Variants in NWD2 observed in about 807,000 individuals in gnomAD.
The protein encoded by NWD2 is NACHT and WD repeat domain containing 2, also known as NACHT and WD repeat domain-containing protein 2.
A neutral mutation model predicts 132.7 loss-of-function variants in NWD2; 37 were observed. That is an observed-to-expected ratio of 0.28 (90% CI 0.21 to 0.37). NWD2 has a LOEUF of 0.37. Ranked by LOEUF, NWD2 falls within the 10% of genes least tolerant of loss-of-function variation. NWD2 has a pLI of 1.00. For synonymous variants in NWD2, 705 were observed against 803.0 expected, an observed-to-expected ratio of 0.88 and a Z score of 2.06; for missense variants, 1,592 against 2,122.4, an observed-to-expected ratio of 0.75 and a Z score of 4.91.
intron 1 of NWD2, among the ~76,000 whole-genome samples, chr4:37,283,602 G>A (rs1035410982): frequency 2.0e-5 from 3 of 151,960 alleles, no homozygotes; most frequent in Admixed American, 1.3e-4. Context: ...CTCTTAACAG[G>A]GTAAGACCCC....
intron 3 of NWD2, among the ~76,000 whole-genome samples, chr4:37,411,410 T>G (rs1721154302): frequency 6.6e-6 from 1 of 152,150 alleles, no homozygotes; most frequent in South Asian, 2.1e-4. Flanking sequence ...CCTGGACACA[T>G]ATACCCTCCC....
At chr4:37,363,919 C>T (rs1720033208) in intron 3 of NWD2, among the ~76,000 whole-genome samples, 1 of 150,264 alleles carries the variant, frequency 6.7e-6, no homozygotes, top group Admixed American at 6.6e-5. Context: ...GTCAGGAGTT[C>T]AAGACCAGCC....
intron 3 of NWD2, among the ~76,000 whole-genome samples, chr4:37,371,191 C>A (rs1171902629): frequency 6.7e-6 from 1 of 148,838 alleles, no homozygotes; most frequent in Non-Finnish European, 1.5e-5. Flanking sequence ...AATTCCCCTG[C>A]CTCCACCTCC....
At chr4:37,326,440 C>G (rs1277618150) in intron 2 of NWD2, among the ~76,000 whole-genome samples, 2 of 152,038 alleles carry the variant, frequency 1.3e-5, no homozygotes, top group African/African-American at 4.8e-5. Context: ...TTCTGTCTTG[C>G]CTTTAACTTT....
At position 37,277,676 on chromosome 4, in the gene NWD2, A is replaced by G. The variant is rs752351503; in HGVS notation, c.151+32458A>G. Among the ~76,000 whole-genome samples the G allele has an allele frequency of 6.7e-4, 102 of 152,036 alleles. 2 individuals carry two copies. The highest frequency in any genetic ancestry group is 3.1e-4 in the Non-Finnish European group (21 of 67,994). On this transcript the variant is annotated intron_variant, in intron 1 of 6. Coordinates refer to ENST00000309447, the MANE Select transcript of NWD2 (RefSeq NM_001144990.2). ...TGGTTTCCTTTTTTTTACATTAATA[A>G]CAACTTCTTTCAAGTCTTTAATATC...
intron 2 of NWD2, among the ~76,000 whole-genome samples, chr4:37,346,571 T>C (rs11096868): frequency 0.26 from 39,450 of 152,102 alleles, 5,776 homozygotes; most frequent in Admixed American, 0.41. Flanking sequence ...GGATTTATAG[T>C]GATTGGATTG....
At chr4:37,362,558 A>G (rs1720001714) in intron 3 of NWD2, among the ~76,000 whole-genome samples, 3 of 152,192 alleles carry the variant, frequency 2.0e-5, no homozygotes, top group Admixed American at 2.0e-4. Context: ...TGACACAAAT[A>G]AGCAATGGGG....
At chr4:37,302,530 C>A (rs1041819252) in intron 1 of NWD2, among the ~76,000 whole-genome samples, 4 of 151,976 alleles carry the variant, frequency 2.6e-5, no homozygotes, top group African/African-American at 9.7e-5. Context: ...TTTTGAGAAA[C>A]CTCCACACCG....
chr4:37,347,144 T>C (rs1719653670), intron 2 of NWD2, among the ~76,000 whole-genome samples: 1 of 152,142 alleles, frequency 6.6e-6, no homozygotes, highest in Non-Finnish European at 1.5e-5. Context: ...GTATGATTGA[T>C]TTATAATTTT....
intron 1 of NWD2, among the ~76,000 whole-genome samples, chr4:37,312,193 G>C (rs1035987114): frequency 8.6e-5 from 13 of 151,516 alleles, no homozygotes; most frequent in Non-Finnish European, 1.6e-4. Context: ...GATGGGGATG[G>C]CATTGAATTT....
At chr4:37,294,579 C>T (rs773511515) in intron 1 of NWD2, among the ~76,000 whole-genome samples, 11 of 152,094 alleles carry the variant, frequency 7.2e-5, no homozygotes, top group African/African-American at 1.2e-4. Flanking sequence ...ATGTAGCTTC[C>T]GCCTTCTCTA....
At chr4:37,357,841 A>T (rs1284621197) in intron 3 of NWD2, among the ~76,000 whole-genome samples, 2 of 152,218 alleles carry the variant, frequency 1.3e-5, no homozygotes, top group East Asian at 3.9e-4. Context: ...CAGTCAGAGG[A>T]GGCCTCACTG....
At chr4:37,342,790 G>A (rs1719553709) in intron 2 of NWD2, among the ~76,000 whole-genome samples, 1 of 152,172 alleles carries the variant, frequency 6.6e-6, no homozygotes, top group African/African-American at 2.4e-5. Flanking sequence ...ATCAGGTCTA[G>A]GCAGTTAGTT....
intron 3 of NWD2, 93 bp from the exon 4 acceptor site, chr4:37,430,479 T>C (rs907860350): frequency 2.7e-5 from 23 of 864,412 alleles, no homozygotes; most frequent in Admixed American, 2.3e-4. Context: ...TTGTTATCTA[T>C]TGATTAATAT....
intron 1 of NWD2, among the ~76,000 whole-genome samples, chr4:37,269,633 A>G (rs1717828650): frequency 6.6e-6 from 1 of 151,876 alleles, no homozygotes; most frequent in Admixed American, 6.6e-5. Flanking sequence ...CACTCAGCAT[A>G]AGGTTTTGAA....
chr4:37,355,506 G>A (rs937881597), intron 2 of NWD2, among the ~76,000 whole-genome samples: 16 of 152,224 alleles, frequency 1.1e-4, no homozygotes, highest in African/African-American at 2.6e-4. Context: ...ACCAAATGCC[G>A]TGCAAGCAGG....
At chr4:37,390,380 T>C (rs556621916) in intron 3 of NWD2, among the ~76,000 whole-genome samples, 1 of 151,434 alleles carries the variant, frequency 6.6e-6, no homozygotes, top group East Asian at 1.9e-4. Context: ...TTAAACTATA[T>C]TCACGTGTGT....
At chr4:37,368,884 G>T (rs1720152628) in intron 3 of NWD2, among the ~76,000 whole-genome samples, 1 of 152,186 alleles carries the variant, frequency 6.6e-6, no homozygotes, top group Non-Finnish European at 1.5e-5. Context: ...AAGGCAGTGA[G>T]TTCAAGAGGC....
At chr4:37,433,606 C>T (rs1157742600) in intron 4 of NWD2, among the ~76,000 whole-genome samples, 2 of 152,134 alleles carry the variant, frequency 1.3e-5, no homozygotes, top group Non-Finnish European at 2.9e-5. Flanking sequence ...TGTATCAAAA[C>T]TCAAAAGGGA....
Sources: allele counts gnomAD v4.1 joint callset (sites outside exome capture counted in the v4.1 genomes callset), GRCh38; gene constraint gnomAD v4.1.1; transcripts MANE v1.5; gene names NCBI Gene and HGNC (gene_info 2026-07-23, HGNC 2026-07-21).